Variants in SHANK2 observed in about 807,000 individuals in gnomAD.
SHANK2 encodes SH3 and multiple ankyrin repeat domains 2, also known as SH3 and multiple ankyrin repeat domains protein 2.
In SHANK2, 43 loss-of-function variants were observed where a neutral mutation model predicts 133.7. The observed-to-expected ratio is 0.32, with a 90% CI of 0.25 to 0.41. The LOEUF is 0.41. Ranked by LOEUF, SHANK2 falls within the 10% of genes least tolerant of loss-of-function variation. The pLI is 1.00. For synonymous variants in SHANK2, 1,017 were observed against 952.8 expected, an observed-to-expected ratio of 1.07 and a Z score of -1.24; for missense variants, 1,994 against 2,235.8, an observed-to-expected ratio of 0.89 and a Z score of 2.18.
At chr11:71,229,492 G>C (rs1954700423) in intron 1 of SHANK2, among the ~76,000 whole-genome samples, 1 of 152,142 alleles carries the variant, frequency 6.6e-6, no homozygotes, top group Non-Finnish European at 1.5e-5. Flanking sequence ...AGAGTTGGCT[G>C]GGCGCAGTGG....
intron 14 of SHANK2, among the ~76,000 whole-genome samples, chr11:70,786,113 A>G (rs782097302): frequency 1.3e-5 from 2 of 152,194 alleles, no homozygotes; most frequent in Non-Finnish European, 2.9e-5. Context: ...GTAACTTTCA[A>G]GTGGAAACAC....
intron 1 of SHANK2, among the ~76,000 whole-genome samples, chr11:71,239,466 A>ATT (rs35202906): frequency 3.3e-5 from 5 of 149,382 alleles, no homozygotes; most frequent in Admixed American, 1.3e-4. Flanking sequence ...TGGTAAAAAA[A>ATT]TTTTTTTTTT....
At chr11:70,675,996 G>A (rs923609669) in intron 15 of SHANK2, among the ~76,000 whole-genome samples, 1 of 152,184 alleles carries the variant, frequency 6.6e-6, no homozygotes, top group Admixed American at 6.5e-5. Context: ...GGTGTGTGCT[G>A]GTCTGTGGTT....
intron 10 of SHANK2, among the ~76,000 whole-genome samples, chr11:70,933,930 C>T (rs370129547): frequency 7.0e-6 from 1 of 143,568 alleles, no homozygotes; most frequent in East Asian, 2.1e-4. Context: ...AACAAACAAA[C>T]AAACAAACAA....
chr11:71,210,561 T>C (rs969455502), intron 2 of SHANK2, among the ~76,000 whole-genome samples: 10 of 151,910 alleles, frequency 6.6e-5, no homozygotes, highest in Non-Finnish European at 1.3e-4. Context: ...AGATACATAT[T>C]TATATTCATG....
At chr11:70,860,308 G>A (rs1018945186) in intron 11 of SHANK2, among the ~76,000 whole-genome samples, 1 of 152,178 alleles carries the variant, frequency 6.6e-6, no homozygotes, top group Non-Finnish European at 1.5e-5. Flanking sequence ...ACTCTCATCA[G>A]CCTGAATGTC....
chr11:70,692,763 G>A (rs1360340267), intron 15 of SHANK2, among the ~76,000 whole-genome samples: 1 of 152,158 alleles, frequency 6.6e-6, no homozygotes, highest in Non-Finnish European at 1.5e-5. Context: ...ATAAAAATTG[G>A]GCTGTGAGGC....
intron 17 of SHANK2, among the ~76,000 whole-genome samples, chr11:70,506,675 G>A (rs889100844): frequency 6.6e-6 from 1 of 152,154 alleles, no homozygotes; most frequent in Non-Finnish European, 1.5e-5. Context: ...CACTTGGAGG[G>A]CCCTCCCTCC....
At chr11:70,606,392 A>T (rs1446827858) in intron 17 of SHANK2, among the ~76,000 whole-genome samples, 1 of 151,796 alleles carries the variant, frequency 6.6e-6, no homozygotes, top group Non-Finnish European at 1.5e-5. Context: ...TCTCTACAAA[A>T]AATAAAAAAT....
chr11:71,160,295 C>T (rs35136877), intron 2 of SHANK2, among the ~76,000 whole-genome samples: 26,020 of 152,112 alleles, frequency 0.17, 2,501 homozygotes, highest in South Asian at 0.28. Context: ...CTCACTGCTA[C>T]GAACTGAACT....
intron 17 of SHANK2, among the ~76,000 whole-genome samples, chr11:70,594,553 GAC>G (rs1177563151): frequency 5.9e-5 from 9 of 152,182 alleles, no homozygotes; most frequent in Non-Finnish European, 1.2e-4. Context: ...GCCTGGAATA[GAC>G]ACACTTTTAG....
chr11:71,196,788 A>G (rs1953913137), intron 2 of SHANK2, among the ~76,000 whole-genome samples: 1 of 151,328 alleles, frequency 6.6e-6, no homozygotes, highest in African/African-American at 2.4e-5. Flanking sequence ...ACCTGAGGTC[A>G]GGAGTTTGAG....
intron 8 of SHANK2, among the ~76,000 whole-genome samples, chr11:71,086,755 G>A (rs940291578): frequency 9.2e-5 from 14 of 151,964 alleles, no homozygotes; most frequent in Non-Finnish European, 2.1e-4. Context: ...AGGATGATCT[G>A]GGAGGCAGGC....
At chr11:70,574,687 G>A (rs991570888) in intron 17 of SHANK2, among the ~76,000 whole-genome samples, 1 of 152,134 alleles carries the variant, frequency 6.6e-6, no homozygotes, top group Non-Finnish European at 1.5e-5. Context: ...TGGCTCTGAT[G>A]GGATCCACCC....
intron 22 of SHANK2, among the ~76,000 whole-genome samples, chr11:70,491,135 C>A (rs141049795): frequency 1.7e-4 from 26 of 152,352 alleles, no homozygotes; most frequent in Admixed American, 3.9e-4. Flanking sequence ...TGAGATGGCT[C>A]AGGGCCCCAA....
At chr11:71,251,406 G>A (rs1948176451) in intron 1 of SHANK2, among the ~76,000 whole-genome samples, 1 of 152,142 alleles carries the variant, frequency 6.6e-6, no homozygotes, top group African/African-American at 2.4e-5. Context: ...CCGCTGCGGT[G>A]GTCGCACCTG....
chr11:70,588,487 C>A (rs1266893389), intron 17 of SHANK2, among the ~76,000 whole-genome samples: 1 of 152,200 alleles, frequency 6.6e-6, no homozygotes, highest in Non-Finnish European at 1.5e-5. Context: ...GAAACTGGAA[C>A]AACCATATCA....
chr11:70,614,759 C>T (rs2060715607), intron 17 of SHANK2, among the ~76,000 whole-genome samples: 2 of 152,366 alleles, frequency 1.3e-5, no homozygotes, highest in South Asian at 2.1e-4. Flanking sequence ...AGCCCTTCTG[C>T]AGATCTCCAA....
chr11:70,694,738 A>G (rs1402011212), intron 15 of SHANK2, among the ~76,000 whole-genome samples: 1 of 152,164 alleles, frequency 6.6e-6, no homozygotes, highest in Non-Finnish European at 1.5e-5. Flanking sequence ...CACCCACTCC[A>G]GAGTTATGCC....
Sources: allele counts gnomAD v4.1 joint callset (sites outside exome capture counted in the v4.1 genomes callset), GRCh38; gene constraint gnomAD v4.1.1; transcripts MANE v1.5; gene names NCBI Gene and HGNC (gene_info 2026-07-23, HGNC 2026-07-21).